CDCP2: variants seen among roughly 807,000 people sequenced by gnomAD.
The protein encoded by CDCP2 is CUB domain-containing protein 2.
A neutral mutation model predicts 31.0 loss-of-function variants in CDCP2; 31 were observed. The observed-to-expected ratio is 1.00, with a 90% CI of 0.75 to 1.35. CDCP2 has a LOEUF of 1.35. CDCP2 is among the 40% of genes most tolerant of loss of function. The pLI is 0.00. For missense variants in CDCP2, 443 were observed against 482.6 expected (o/e 0.92, Z 0.77); for synonymous variants, 206 against 207.9 (o/e 0.99, Z 0.08).
rs190245711 is a variant in CDCP2 at position 54,133,882 on chromosome 1, T to C, written c.1297-588A>G. 4.2e-4 allele frequency among the ~76,000 whole-genome samples: 19 copies of C among 45,162 alleles called. No individual in the cohort carries two copies. The East Asian group carries it at 0.017, about 40-fold the overall frequency. The allele number at this position is 45,162 out of a possible 152,430, so 29.6% of individuals were successfully genotyped here. On this transcript the variant is annotated intron_variant, in intron 5 of 5. Coordinates refer to ENST00000530059, the Ensembl canonical transcript of CDCP2. ...CTGCACTCCAGCCTGTGGGACAGAG[T>C]GAGACTCCATCTCAAAAACAAACAA...
At chr1:54,144,559 G>A in exon 2 of CDCP2, 1 of 1,613,876 alleles carries the variant, frequency 6.2e-7, no homozygotes, top group South Asian at 1.1e-5. Context: ...GTGAAGGGCG[G>A]CGGGGGCACC....
At chr1:54,140,059 G>C (rs1659336728) in exon 4 of CDCP2, 1 of 1,613,686 alleles carries the variant, frequency 6.2e-7, no homozygotes, top group Middle Eastern at 1.6e-4. Flanking sequence ...GGGTACTGTG[G>C]GCTGGAGAAG....
At chr1:54,152,036 A>G (rs1279019582) in intron 1 of CDCP2, among the ~76,000 whole-genome samples, 2 of 152,202 alleles carry the variant, frequency 1.3e-5, no homozygotes, top group African/African-American at 4.8e-5. Context: ...CAAGGGATGC[A>G]GGAAACTGAG....
chr1:54,141,858 C>A, intron 2 of CDCP2: 1 of 164,078 alleles, frequency 6.1e-6, no homozygotes, highest in Non-Finnish European at 1.3e-5. Flanking sequence ...AAGTCAGCTG[C>A]TGACCTTGGG....
At chr1:54,140,099 G>C (rs778096023) in exon 4 of CDCP2, 4 of 1,613,172 alleles carry the variant, frequency 2.5e-6, no homozygotes, top group Non-Finnish European at 3.4e-6. Context: ...ATACCTCCTG[G>C]CATTCTCCTG....
intron 1 of CDCP2, among the ~76,000 whole-genome samples, chr1:54,150,592 A>G (rs1221482230): frequency 1.4e-5 from 2 of 147,726 alleles, no homozygotes; most frequent in Non-Finnish European, 3.0e-5. Context: ...GTGAGACTCC[A>G]TTTAAAAAAA....
At chr1:54,148,673 G>T (rs1410480416) in intron 1 of CDCP2, among the ~76,000 whole-genome samples, 1 of 151,620 alleles carries the variant, frequency 6.6e-6, no homozygotes, top group Admixed American at 6.6e-5. Context: ...AGTTCTATAA[G>T]ATAAATGACG....
At chr1:54,136,696 G>A (rs896756280) in exon 5 of CDCP2, 14 of 399,048 alleles carry the variant, frequency 3.5e-5, no homozygotes, top group African/African-American at 1.9e-4. Context: ...CCTCCTGGGC[G>A]GCACAGCTCC....
In CDCP2 at chr1:54,140,118, A is replaced by T; in HGVS notation, c.764-12T>A. On this transcript the variant is annotated splice_polypyrimidine_tract_variant and intron_variant, in intron 3 of 5. Coordinates refer to ENST00000530059, the Ensembl canonical transcript of CDCP2. ...CTCCTGGCATTCTCCTGGATGGGGG[A>T]TGGGGAGGTGGAAGGAGCAACAGTG... 6.2e-7 allele frequency: 1 copy of T among 1,610,898 alleles called. No homozygotes were observed. The highest frequency in any genetic ancestry group is 8.5e-7 in the Non-Finnish European group (1 of 1,178,258).
chr1:54,152,738 G>T, intron 1 of CDCP2, 106 bp downstream of exon 1: 2 of 1,008,494 alleles, frequency 2.0e-6, no homozygotes, highest in Middle Eastern at 2.1e-4. Flanking sequence ...TCCCCTAAAA[G>T]GACCTCCTGC....
chr1:54,151,742 A>G (rs1245152251), intron 1 of CDCP2, among the ~76,000 whole-genome samples: 1 of 152,152 alleles, frequency 6.6e-6, no homozygotes, highest in Non-Finnish European at 1.5e-5. Flanking sequence ...GGCTTCACAG[A>G]CAGGTAAACA....
chr1:54,148,386 T>C (rs1182512678), intron 1 of CDCP2, among the ~76,000 whole-genome samples: 1 of 141,144 alleles, frequency 7.1e-6, no homozygotes, highest in African/African-American at 2.7e-5. Flanking sequence ...AAAAATTCAC[T>C]TCAGCTGACT....
chr1:54,144,591 A>C, exon 2 of CDCP2: 1 of 1,614,230 alleles, frequency 6.2e-7, no homozygotes, highest in Non-Finnish European at 8.5e-7. Flanking sequence ...CCTCCCCAGC[A>C]GGTTGCCCTT....
At chr1:54,137,108 C>G (rs1659271314) in intron 4 of CDCP2, among the ~76,000 whole-genome samples, 1 of 152,202 alleles carries the variant, frequency 6.6e-6, no homozygotes, top group South Asian at 2.1e-4. Context: ...AATGAATGTT[C>G]TTAATAATTA....
intron 4 of CDCP2, 106 bp downstream of exon 4, chr1:54,139,647 G>GGC (rs1553173740): frequency 3.3e-5 from 40 of 1,223,096 alleles, no homozygotes; most frequent in Middle Eastern, 4.0e-4. Flanking sequence ...ACCATTCATG[G>GGC]GGGGGGCAGG....
chr1:54,140,235 G>A (rs1570061871), intron 3 of CDCP2, 129 bp from the exon 4 acceptor site: 1 of 749,274 alleles, frequency 1.3e-6, no homozygotes, highest in East Asian at 2.7e-5. Flanking sequence ...GGGCACCATG[G>A]CTAGCACACC....
At chr1:54,139,580 T>A (rs533636992) in intron 4 of CDCP2, 173 bp downstream of exon 4, 1 of 1,613,112 alleles carries the variant, frequency 6.2e-7, no homozygotes, top group East Asian at 2.2e-5. Flanking sequence ...TACCGTCCAG[T>A]CTTAGGGGTC....
chr1:54,138,116 C>T (rs1417439074), intron 4 of CDCP2: 4 of 152,406 alleles, frequency 2.6e-5, no homozygotes, highest in African/African-American at 4.8e-5. Context: ...TAAGAACCCC[C>T]GCTAACTTCC....
chr1:54,144,611 G>GGCAGGTT lies in CDCP2; in HGVS notation c.281_282insAACCTGC (p.Ser95ThrfsTer68). ...CCAGCAGGTTGCCCTTGTCTGGTGA[G>GGCAGGTT]GCCCCATTGTAGATCTCCAGAAAGT... On this transcript the variant is annotated frameshift_variant, in exon 2 of 6. Transcript: ENST00000530059. LOFTEE classifies it high-confidence loss of function. 6.2e-7 allele frequency: 1 copy of GGCAGGTT among 1,614,220 alleles called. No homozygotes were observed. The highest frequency in any genetic ancestry group is 8.5e-7 in the Non-Finnish European group (1 of 1,180,036).
Sources: allele counts gnomAD v4.1 joint callset (sites outside exome capture counted in the v4.1 genomes callset), GRCh38; gene constraint gnomAD v4.1.1; transcripts MANE v1.5; gene names NCBI Gene and HGNC (gene_info 2026-07-23, HGNC 2026-07-21).